The following FER1L6 variants were observed in gnomAD, a reference collection of about 807,000 sequenced individuals.
The protein encoded by FER1L6 is fer-1 like family member 6, also known as fer-1-like protein 6.
In FER1L6, 177 loss-of-function variants were observed where a neutral mutation model predicts 219.2. The observed-to-expected ratio is 0.81, with a 90% CI of 0.71 to 0.91. The LOEUF (loss-of-function observed/expected upper bound fraction) is 0.91. FER1L6 is among the 40% of genes least tolerant of loss of function. The pLI is 0.00. For missense variants in FER1L6, 2,153 were observed against 2,259.9 expected (o/e 0.95, Z 0.96); for synonymous variants, 768 against 824.3 (o/e 0.93, Z 1.17).
In FER1L6 at chr8:123,956,006, G is replaced by A. The variant is rs1393476497; in HGVS notation, c.8G>A (p.Gly3Glu). The change falls in exon 2 of 41, where the codon GGG becomes GAG. Residue 3 changes from glycine to glutamate, a missense_variant. Gly to Glu is a moderately conservative substitution (Grantham distance 98). Coordinates refer to ENST00000522917, the MANE Select transcript of FER1L6 (RefSeq NM_001039112.2). MF[G>E]LKVKKKRNKA... ...CTTCTTTTCAGAAAGGGGATGTTTGGGCTGAAGGTGAAGAAGAAGAGAAAT... is the reference window on the plus strand; with the variant it reads ...CTTCTTTTCAGAAAGGGGATGTTTGAGCTGAAGGTGAAGAAGAAGAGAAAT... The A allele has an allele frequency of 6.2e-7, 1 of 1,611,260 alleles. No homozygotes were observed. Among genetic ancestry groups the A allele is most frequent in the Admixed American group, 1.7e-5 (1 of 59,710 alleles).
At chr8:124,082,987 A>ATGTG (rs1007545248) in intron 33 of FER1L6, among the ~76,000 whole-genome samples, 7 of 89,988 alleles carry the variant, frequency 7.8e-5, no homozygotes, top group Non-Finnish European at 1.6e-4. Context: ...ATAAATGTGT[A>ATGTG]TGTGTGTGTG....
At chr8:123,969,997 CTG>C (rs747808680) in intron 5 of FER1L6, 36 bp from the exon 6 acceptor site, 2 of 1,577,922 alleles carry the variant, frequency 1.3e-6, no homozygotes, top group East Asian at 4.5e-5. Flanking sequence ...AGGTGCAAGT[CTG>C]GGGTTGATGA....
Position 124,045,847 on chromosome 8 carries a change from G to A in FER1L6, c.2670G>A (p.Glu890=). The A allele has an allele frequency of 1.2e-6, 2 of 1,614,114 alleles. No individual in the cohort carries two copies. Among genetic ancestry groups the A allele is most frequent in the Non-Finnish European group, 1.7e-6 (2 of 1,180,008 alleles). ...NDLVLHGDVK[E]LAESPPLVVV... The stretch of plus-strand genomic sequence containing the variant: ...TGGTGCTGCATGGAGATGTGAAGGA[G>A]CTGGCAGAGTCCCCGCCCTTAGTGG... Residue 890 remains glutamate, a synonymous_variant, in exon 21 of 41, where the codon GAG becomes GAA. Coordinates refer to ENST00000522917, the MANE Select transcript of FER1L6 (RefSeq NM_001039112.2).
chr8:124,018,172 C>T (rs1818285666), intron 16 of FER1L6, among the ~76,000 whole-genome samples: 1 of 152,166 alleles, frequency 6.6e-6, no homozygotes, highest in South Asian at 2.1e-4. Context: ...TGCTAGGTGC[C>T]TAACAGTTGC....
In FER1L6 at chr8:124,013,533, T is replaced by C; in HGVS notation, c.1922+2T>C. ...CAGTGACTTCATCAGTCGGAGCAGGTACCGGGAGAGACAGCCGGCATAGGC... is the reference window on the plus strand; with the variant it reads ...CAGTGACTTCATCAGTCGGAGCAGGCACCGGGAGAGACAGCCGGCATAGGC... On this transcript the variant is annotated splice_donor_variant, in intron 15 of 40. Transcript: ENST00000522917. LOFTEE classifies it high-confidence loss of function. 1 of 1,587,234 alleles carries C rather than the reference T, an allele frequency of 6.3e-7. No homozygotes were observed. The highest frequency in any genetic ancestry group is 8.5e-7 in the Non-Finnish European group (1 of 1,169,906).
At chr8:123,902,244 G>T (rs753626099) in intron 1 of FER1L6, among the ~76,000 whole-genome samples, 4 of 152,158 alleles carry the variant, frequency 2.6e-5, no homozygotes, top group Non-Finnish European at 4.4e-5. Flanking sequence ...CTGTCTTGGA[G>T]AAAGTTCCAT....
intron 26 of FER1L6, among the ~76,000 whole-genome samples, chr8:124,065,615 C>T (rs1025779511): frequency 4.6e-5 from 7 of 152,258 alleles, no homozygotes; most frequent in African/African-American, 1.2e-4. Context: ...GTTGACTTCT[C>T]GGATTCAGTG....
chr8:123,907,264 TA>T (rs1812970578), intron 1 of FER1L6, among the ~76,000 whole-genome samples: 1 of 152,174 alleles, frequency 6.6e-6, no homozygotes, highest in African/African-American at 2.4e-5. Context: ...TGTGTACACA[TA>T]CTCACACACA....
intron 35 of FER1L6, 66 bp downstream of exon 35, chr8:124,095,104 C>T (rs1487890187): frequency 6.3e-7 from 1 of 1,584,464 alleles, no homozygotes; most frequent in Admixed American, 1.8e-5. Context: ...TGGTTTTCAT[C>T]CAGGAACAAT....
intron 2 of FER1L6, among the ~76,000 whole-genome samples, chr8:123,957,288 G>A (rs1815064864): frequency 6.6e-6 from 1 of 152,152 alleles, no homozygotes. Flanking sequence ...AGAAAATGAG[G>A]GACATTGCAT....
At chr8:124,102,529 A>G (rs566786962) in intron 38 of FER1L6, among the ~76,000 whole-genome samples, 11 of 152,342 alleles carry the variant, frequency 7.2e-5, no homozygotes, top group African/African-American at 2.6e-4. Flanking sequence ...GCCCATGTAT[A>G]TATGCTCTGA....
intron 20 of FER1L6, among the ~76,000 whole-genome samples, chr8:124,045,530 C>T (rs113399895): frequency 0.011 from 1,608 of 152,268 alleles, 39 homozygotes; most frequent in African/African-American, 0.033. Flanking sequence ...CATGTAGGGG[C>T]TCTGCTCATG....
intron 1 of FER1L6, among the ~76,000 whole-genome samples, chr8:123,865,981 C>G (rs1816830548): frequency 6.6e-6 from 1 of 151,298 alleles, no homozygotes; most frequent in African/African-American, 2.5e-5. Flanking sequence ...GGAGCTGTTC[C>G]TATTCGGCCA....
chr8:124,063,886 A>G (rs1820705532), intron 25 of FER1L6, among the ~76,000 whole-genome samples: 1 of 151,898 alleles, frequency 6.6e-6, no homozygotes, highest in African/African-American at 2.4e-5. Context: ...AATCTCATGA[A>G]CTCTGGACAT....
chr8:124,077,377 G>A (rs893993531), intron 32 of FER1L6, among the ~76,000 whole-genome samples: 1 of 152,122 alleles, frequency 6.6e-6, no homozygotes, highest in Non-Finnish European at 1.5e-5. Context: ...CAGGAACATG[G>A]CATAAAATCT....
At position 124,101,295 on chromosome 8, in the gene FER1L6, G is replaced by T; in HGVS notation, c.5082G>T (p.Leu1694=). The change falls in exon 38 of 41, where the codon CTG becomes CTT. Residue 1694 remains leucine, a synonymous_variant. Coordinates refer to ENST00000522917, the MANE Select transcript of FER1L6 (RefSeq NM_001039112.2). ...MECKTPAVLV[L]QVWDFERLSS... The stretch of plus-strand genomic sequence containing the variant: ...GTAAGACTCCTGCTGTGTTGGTGCT[G>T]CAGGTTTGGGATTTTGAAAGGCTGT... The T allele has an allele frequency of 6.2e-7, 1 of 1,613,856 alleles. No individual in the cohort carries two copies. Among genetic ancestry groups the T allele is most frequent in the Non-Finnish European group, 8.5e-7 (1 of 1,179,830 alleles).
chr8:123,965,980 C>T (rs1312233569), intron 3 of FER1L6, 27 bp from the exon 4 acceptor site: 2 of 1,589,402 alleles, frequency 1.3e-6, no homozygotes, highest in Non-Finnish European at 1.7e-6. Flanking sequence ...CTTGATGAAA[C>T]AAACATATTA....
rs368497272 is a variant in FER1L6, at chr8:123,886,898, C to G, written c.-8+34713C>G. Among the ~76,000 whole-genome samples, 3 of 152,072 alleles carry G rather than the reference C, an allele frequency of 2.0e-5. No homozygotes were observed. The South Asian group carries it at 6.2e-4, about 32-fold the overall frequency. ...CAGTGTCAGGTATTTATGCAAATAT[C>G]GAAACTGACCCAATAGTCCCATAGA... On this transcript the variant is annotated intron_variant, in intron 1 of 40. Coordinates refer to ENST00000522917, the MANE Select transcript of FER1L6 (RefSeq NM_001039112.2).
At chr8:123,992,209 T>C (rs1310924903) in intron 12 of FER1L6, among the ~76,000 whole-genome samples, 6 of 152,166 alleles carry the variant, frequency 3.9e-5, no homozygotes, top group African/African-American at 1.4e-4. Context: ...TGATATTGGC[T>C]TCATAGAATG....
Sources: allele counts gnomAD v4.1 joint callset (sites outside exome capture counted in the v4.1 genomes callset), GRCh38; gene constraint gnomAD v4.1.1; transcripts MANE v1.5; gene names NCBI Gene and HGNC (gene_info 2026-07-23, HGNC 2026-07-21).